DNAH2: variants seen among roughly 807,000 people sequenced by gnomAD.
DNAH2 encodes dynein axonemal heavy chain 2, also known as axonemal beta dynein heavy chain 2.
In DNAH2, 323 loss-of-function variants were observed where a neutral mutation model predicts 523.5. The ratio of observed to expected loss-of-function variants is 0.62; its 90% CI spans 0.56 to 0.68. The LOEUF is 0.68. Ranked by LOEUF, DNAH2 falls within the 30% of genes least tolerant of loss-of-function variation. The pLI, the probability that DNAH2 is intolerant of heterozygous loss-of-function variation, is 0.00. For synonymous variants in DNAH2, 2,093 were observed against 2,177.4 expected (o/e 0.96, Z 1.08); for missense variants, 4,907 against 5,701.5 (o/e 0.86, Z 4.49).
intron 9 of DNAH2, 97 bp from the exon 10 acceptor site, chr17:7,740,323 C>A (rs2075273460): frequency 2.6e-6 from 4 of 1,537,128 alleles, no homozygotes; most frequent in South Asian, 2.5e-5. Context: ...ACACAGGAAG[C>A]CCTCTGTCCT....
At position 7,740,893 on chromosome 17, in the gene DNAH2, G is replaced by C. The variant is rs1001523961; in HGVS notation, c.1590G>C (p.Arg530=). 1 of 1,613,990 alleles carries C rather than the reference G, an allele frequency of 6.2e-7. No individual in the cohort carries two copies. The highest frequency in any genetic ancestry group is 1.3e-5 in the African/African-American group (1 of 74,944). Residue 530 remains arginine, a synonymous_variant, in exon 11 of 86, where the codon CGG becomes CGC. Coordinates refer to ENST00000572933, the MANE Select transcript of DNAH2 (RefSeq NM_020877.5). ...NSELALVNRE[R]NKKWPDLEPY... ...AGCTGGCCCTGGTGAACCGTGAACG[G>C]AACAAGAAATGGCCAGACCTGGAGC...
At position 7,780,159 on chromosome 17, in the gene DNAH2, T is replaced by C; in HGVS notation, c.5725T>C (p.Tyr1909His). 1 of 1,609,854 alleles carries C rather than the reference T, an allele frequency of 6.2e-7. No individual in the cohort carries two copies. Among genetic ancestry groups the C allele is most frequent in the Non-Finnish European group, 8.5e-7 (1 of 1,178,382 alleles). ...CGIFITMNPG[Y>H]AGRTELPENL... ...AAGCAAGTGGCATTGTTTTCCAGGC[T>C]ATGCTGGCCGCACAGAGCTTCCCGA... The change falls in exon 37 of 86, where the codon TAT (tyrosine) becomes CAT (histidine). Residue 1909 changes from tyrosine (Y) to histidine (H), a missense_variant and splice_region_variant. This residue lies in a region of DNAH2 where 2,806 missense variants were observed against 3,190.8 expected (regional missense o/e 0.88). Transcript: ENST00000572933. This position sits in a 1 kb window ranked among gnomAD's most constrained non-coding sequence, Gnocchi z 4.4.
At position 7,828,223 on chromosome 17, in the gene DNAH2, T is replaced by A. The variant is rs1281234330; in HGVS notation, c.11854-2077T>A. Among the ~76,000 whole-genome samples the A allele has an allele frequency of 1.3e-4, 20 of 152,126 alleles. No homozygotes were observed. The highest frequency in any genetic ancestry group is 1.2e-3 in the Admixed American group (19 of 15,274). On this transcript the variant is annotated intron_variant, in intron 77 of 85. Transcript: ENST00000572933. The surrounding 1 kb of genome is among the most constrained non-coding windows in gnomAD (Gnocchi z 4.1). ...TGTAACCCACAGTGCCATGCTGATA[T>A]ACTTTAGTCTTAATTACCATATAGC... is the stretch of plus-strand genomic sequence containing the variant.
chr17:7,775,617 G>A (rs183613597), intron 30 of DNAH2, among the ~76,000 whole-genome samples: 32 of 151,688 alleles, frequency 2.1e-4, no homozygotes, highest in Admixed American at 9.2e-4. Context: ...CCTGGGAGGC[G>A]GAGGTTGTGG....
intron 72 of DNAH2, among the ~76,000 whole-genome samples, chr17:7,820,950 A>T (rs1226876937): frequency 6.6e-6 from 1 of 152,056 alleles, no homozygotes; most frequent in Non-Finnish European, 1.5e-5. Flanking sequence ...GACGCAGGAG[A>T]ATCGCTTGAA....
rs111996831 is a variant in DNAH2, at chr17:7,780,869, C to T, written c.6003+87C>T. 4 of 1,595,798 alleles carry T rather than the reference C, an allele frequency of 2.5e-6. No homozygotes were observed. Among genetic ancestry groups the T allele is most frequent in the African/African-American group, 1.3e-5 (1 of 74,644 alleles). On this transcript the variant is annotated intron_variant, in intron 38 of 85. Transcript: ENST00000572933. This position sits in a 1 kb window ranked among gnomAD's most constrained non-coding sequence, Gnocchi z 4.4. The stretch of plus-strand genomic sequence containing the variant: ...CTCAAGTCTTTCAGACCCTTTCTTT[C>T]CTCAGATTGGGATTCTCACCTTCCC...
At chr17:7,772,020 T>C (rs1366118751) in intron 28 of DNAH2, among the ~76,000 whole-genome samples, 3 of 152,134 alleles carry the variant, frequency 2.0e-5, no homozygotes, top group African/African-American at 7.2e-5. Flanking sequence ...CCAGCCTACG[T>C]TGACTTTCTT....
Position 7,798,566 on chromosome 17 carries a change from C to T in DNAH2, c.8407C>T (p.Arg2803Cys), listed in dbSNP as rs746879489. ...TTCCCTCCCCCGGCCAGATATCAAG[C>T]GTCTGTATCGCCAGGCTGGGGTGGA... ...RKQEFRDDIK[R>C]LYRQAGVELK... Residue 2803 changes from arginine (R) to cysteine (C), a missense_variant, in exon 55 of 86, where the codon CGT (arginine) becomes TGT (cysteine). Arg to Cys is a radical substitution (Grantham distance 180, BLOSUM62 -3). Coordinates refer to ENST00000572933, the MANE Select transcript of DNAH2 (RefSeq NM_020877.5). The surrounding 1 kb of genome is among the most constrained non-coding windows in gnomAD (Gnocchi z 5.5). 6.8e-6 allele frequency: 11 copies of T among 1,613,996 alleles called. No individual in the cohort carries two copies. The highest frequency in any genetic ancestry group is 2.2e-5 in the East Asian group (1 of 44,882).
intron 4 of DNAH2, among the ~76,000 whole-genome samples, chr17:7,727,528 T>C (rs1597460327): frequency 6.6e-6 from 1 of 151,714 alleles, no homozygotes. Context: ...CCGAGGCGGG[T>C]GGGCGGATCA....
intron 63 of DNAH2, among the ~76,000 whole-genome samples, chr17:7,808,555 G>T (rs1186905159): frequency 2.0e-5 from 3 of 152,142 alleles, no homozygotes; most frequent in African/African-American, 7.2e-5. Context: ...AGTGTGAAAG[G>T]TACAAAGGAG....
chr17:7,823,347 C>CACAG (rs1555575681), intron 73 of DNAH2, 95 bp from the exon 74 acceptor site: 4 of 789,880 alleles, frequency 5.1e-6, no homozygotes, highest in Non-Finnish European at 7.7e-6. Context: ...GAGAAAAATA[C>CACAG]AGAGAGAGAG....
At position 7,801,981 on chromosome 17, in the gene DNAH2, C is replaced by T. The variant is rs765569922; in HGVS notation, c.8936C>T (p.Pro2979Leu). ...CTGCGGAGACACAACTATGTCACAC[C>T]CACCAAATACCTGGAACTCCTGTCT... ...LELRRHNYVTPTKYLELLSGY... is the reference protein window; with the variant it reads ...LELRRHNYVTLTKYLELLSGY... Residue 2979 changes from proline (P) to leucine (L), a missense_variant, in exon 58 of 86, where the codon CCC becomes CTC. This residue lies in a region of DNAH2 where 1,851 missense variants were observed against 2,139.4 expected (regional missense o/e 0.87). Transcript: ENST00000572933. 6.2e-7 allele frequency: 1 copy of T among 1,614,180 alleles called. No homozygotes were observed. The highest frequency in any genetic ancestry group is 8.5e-7 in the Non-Finnish European group (1 of 1,180,034).
At chr17:7,737,859 T>C in intron 8 of DNAH2, 1 of 655,258 alleles carries the variant, frequency 1.5e-6, no homozygotes, top group Non-Finnish European at 2.8e-6. Context: ...AGGAGTCAAA[T>C]TAAGGAGTAG....
At chr17:7,827,535 T>A (rs542418884) in intron 77 of DNAH2, among the ~76,000 whole-genome samples, 1 of 152,136 alleles carries the variant, frequency 6.6e-6, no homozygotes, top group South Asian at 2.1e-4. Context: ...AACCTCTGCC[T>A]CCCAGGTTCA....
intron 14 of DNAH2, 76 bp downstream of exon 14, chr17:7,758,727 G>A (rs1409754473): frequency 1.3e-6 from 2 of 1,564,996 alleles, no homozygotes; most frequent in African/African-American, 1.4e-5. Context: ...CATAGAGATT[G>A]GGAAACCTGG....
rs755812377 is a variant in DNAH2, at chr17:7,818,071, G to A, written c.10362G>A (p.Met3454Ile). Reference sequence around the variant, plus strand: ...ATCTGGACCCCACACTGAACCCCATGCTCAACAAATCTGTAGCCCGAATCG... The same window carrying A: ...ATCTGGACCCCACACTGAACCCCATACTCAACAAATCTGTAGCCCGAATCG... ...QEYLDPTLNP[M>I]LNKSVARIGG... The change falls in exon 68 of 86, where the codon ATG (methionine) becomes ATA (isoleucine). Residue 3454 changes from methionine to isoleucine, a missense_variant. Transcript: ENST00000572933. 5.6e-6 allele frequency: 9 copies of A among 1,612,938 alleles called. No homozygotes were observed. Among genetic ancestry groups the A allele is most frequent in the African/African-American group, 1.3e-5 (1 of 75,040 alleles).
rs768485305 is a variant in DNAH2, at chr17:7,818,936, C to T, written c.10688C>T (p.Thr3563Ile). 2 of 1,612,282 alleles carry T rather than the reference C, an allele frequency of 1.2e-6. No individual in the cohort carries two copies. The highest frequency in any genetic ancestry group is 1.7e-6 in the Non-Finnish European group (2 of 1,179,454). Residue 3563 changes from threonine (T) to isoleucine (I), a missense_variant, in exon 71 of 86, where the codon ACC becomes ATC. By Grantham distance (89) the Thr-to-Ile change is moderately conservative. This residue lies in a region of DNAH2 where 1,851 missense variants were observed against 2,139.4 expected (regional missense o/e 0.87). Coordinates refer to ENST00000572933, the MANE Select transcript of DNAH2 (RefSeq NM_020877.5). ...CCCCCTAGGCTGCTGAATGAGGCCACCGGCTCCCTGCTGGATGATGTGCAG... is the reference window on the plus strand; with the variant it reads ...CCCCCTAGGCTGCTGAATGAGGCCATCGGCTCCCTGCTGGATGATGTGCAG... ...DEILRLLNEA[T>I]GSLLDDVQLV...
chr17:7,827,693 G>A (rs528176235), intron 77 of DNAH2, among the ~76,000 whole-genome samples: 2 of 151,752 alleles, frequency 1.3e-5, no homozygotes, highest in Non-Finnish European at 2.9e-5. Context: ...TGATCCACCC[G>A]CCTCAGCCTT....
At chr17:7,819,484 C>G (rs1426856194) in intron 72 of DNAH2, 76 bp downstream of exon 72, 1 of 1,524,508 alleles carries the variant, frequency 6.6e-7, no homozygotes, top group Non-Finnish European at 9.1e-7. Context: ...CACCTTCGTG[C>G]TTTCCCGCAC....
Sources: allele counts gnomAD v4.1 joint callset (sites outside exome capture counted in the v4.1 genomes callset), GRCh38; gene constraint gnomAD v4.1.1; regional missense constraint gnomAD v4.1.1; non-coding constraint Gnocchi (gnomAD v3.1); transcripts MANE v1.5; gene names NCBI Gene and HGNC (gene_info 2026-07-23, HGNC 2026-07-21).